Variants in RANBP2 observed in about 807,000 individuals in gnomAD.
RANBP2 encodes the protein RAN binding protein 2.
In RANBP2, 57 loss-of-function variants were observed where a neutral mutation model predicts 303.6. The observed-to-expected ratio is 0.19, with a 90% CI of 0.15 to 0.23. The LOEUF (loss-of-function observed/expected upper bound fraction) is 0.23, where lower values mean the gene tolerates loss of function less well. Ranked by LOEUF, RANBP2 falls within the 10% of genes least tolerant of loss-of-function variation. RANBP2 has a pLI of 1.00. For missense variants in RANBP2, 3,138 were observed against 3,780.8 expected (o/e 0.83, Z 4.46); for synonymous variants, 1,167 against 1,301.5 (o/e 0.90, Z 2.23).
chr2:109,411,245 G>T, the RANBP2 span, among the ~76,000 whole-genome samples: 1 of 152,224 alleles, frequency 6.6e-6, no homozygotes, highest in Non-Finnish European at 1.5e-5. Context: ...CGCAGCTCAG[G>T]CTTTGCAGGA....
At chr2:109,369,507 T>C in the RANBP2 span, among the ~76,000 whole-genome samples, 1 of 152,148 alleles carries the variant, frequency 6.6e-6, no homozygotes, top group Admixed American at 6.5e-5. Flanking sequence ...TGGCCTATAA[T>C]GTCAGTTGGA....
the RANBP2 span, among the ~76,000 whole-genome samples, chr2:109,722,646 C>T: frequency 6.6e-6 from 1 of 152,188 alleles, no homozygotes; most frequent in African/African-American, 2.4e-5. Context: ...TCACCCTCCC[C>T]ACGACAGGCC....
the RANBP2 span, among the ~76,000 whole-genome samples, chr2:109,257,653 C>T: frequency 6.6e-6 from 1 of 152,134 alleles, no homozygotes; most frequent in Non-Finnish European, 1.5e-5. Context: ...TTCTGAGTGC[C>T]TTGGTTTGCG....
the RANBP2 span, among the ~76,000 whole-genome samples, chr2:109,511,296 C>T: frequency 2.6e-5 from 4 of 152,210 alleles, no homozygotes; most frequent in Admixed American, 2.6e-4. Flanking sequence ...AGAATGAGGT[C>T]CCACAGCCAC....
chr2:109,020,399 C>A, the RANBP2 span, among the ~76,000 whole-genome samples: 1 of 152,174 alleles, frequency 6.6e-6, no homozygotes, highest in Non-Finnish European at 1.5e-5. Flanking sequence ...AACAGCCTCT[C>A]CATTCGGGTT....
At chr2:109,088,565 T>C in the RANBP2 span, among the ~76,000 whole-genome samples, 3 of 151,926 alleles carry the variant, frequency 2.0e-5, no homozygotes, top group Admixed American at 6.6e-5. Flanking sequence ...CAGGCTGGAG[T>C]GCAGTGGTAC....
At chr2:109,583,991 G>A in the RANBP2 span, among the ~76,000 whole-genome samples, 5 of 152,296 alleles carry the variant, frequency 3.3e-5, no homozygotes, top group East Asian at 9.7e-4. Flanking sequence ...GACTACTAGA[G>A]TGGGAAGGAA....
the RANBP2 span, among the ~76,000 whole-genome samples, chr2:109,099,448 A>G: frequency 6.6e-6 from 1 of 152,156 alleles, no homozygotes; most frequent in African/African-American, 2.4e-5. Context: ...AAGTCTCTCC[A>G]AAGGGCTGGG....
At chr2:109,252,852 G>A in the RANBP2 span, among the ~76,000 whole-genome samples, 2 of 152,098 alleles carry the variant, frequency 1.3e-5, no homozygotes, top group African/African-American at 4.8e-5. Context: ...GGTTATATAG[G>A]TATGTGAAGT....
intron 2 of RANBP2, among the ~76,000 whole-genome samples, chr2:108,729,859 A>G (rs994930471): frequency 6.6e-5 from 10 of 152,042 alleles, no homozygotes; most frequent in Admixed American, 3.3e-4. Flanking sequence ...AGCTGGGGAT[A>G]CAGATGCGCA....
At chr2:109,154,737 G>A in the RANBP2 span, among the ~76,000 whole-genome samples, 1 of 152,184 alleles carries the variant, frequency 6.6e-6, no homozygotes, top group Non-Finnish European at 1.5e-5. Flanking sequence ...GGTGATGGTA[G>A]GGACTTTGGG....
At chr2:109,195,858 T>C in the RANBP2 span, among the ~76,000 whole-genome samples, 5 of 152,228 alleles carry the variant, frequency 3.3e-5, no homozygotes, top group African/African-American at 1.2e-4. Context: ...GGAGTCTGGC[T>C]ATGCGTTTGG....
chr2:109,479,865 C>T, the RANBP2 span, among the ~76,000 whole-genome samples: 4 of 152,272 alleles, frequency 2.6e-5, no homozygotes, highest in South Asian at 8.3e-4. Flanking sequence ...TCAGAGCCTT[C>T]ATACGGCAGC....
chr2:109,487,652 C>T, the RANBP2 span, among the ~76,000 whole-genome samples: 1 of 152,220 alleles, frequency 6.6e-6, no homozygotes, highest in Middle Eastern at 3.2e-3. Context: ...CTCTCAGCAG[C>T]TGGGCAGTGA....
chr2:109,170,289 CTTCTCT>C, the RANBP2 span, among the ~76,000 whole-genome samples: 1 of 120,758 alleles, frequency 8.3e-6, no homozygotes, highest in Admixed American at 9.4e-5. Flanking sequence ...CTTCTCTTCT[CTTCTCT>C]TCTCTTCTCT....
the RANBP2 span, among the ~76,000 whole-genome samples, chr2:109,136,979 T>C: frequency 3.9e-5 from 6 of 152,218 alleles, no homozygotes. Context: ...CTGGCTTCAC[T>C]GCACAGATAT....
chr2:109,491,846 T>C, the RANBP2 span, among the ~76,000 whole-genome samples: 1 of 152,184 alleles, frequency 6.6e-6, no homozygotes, highest in South Asian at 2.1e-4. Context: ...TTTCCTCCCT[T>C]GGCCGTTCGG....
At chr2:109,371,751 C>G in the RANBP2 span, 1 of 1,356,602 alleles carries the variant, frequency 7.4e-7, no homozygotes, top group Non-Finnish European at 1.0e-6. Flanking sequence ...GTGGGGTCAC[C>G]TGACCTTCAA....
the RANBP2 span, among the ~76,000 whole-genome samples, chr2:109,042,509 C>G: frequency 6.6e-6 from 1 of 152,066 alleles, no homozygotes; most frequent in Non-Finnish European, 1.5e-5. Flanking sequence ...TCTCTCTAAC[C>G]CCGAGAGGCT....
Sources: gnomAD v4.1 joint callset for allele counts (sites outside exome capture counted in the v4.1 genomes callset) on GRCh38, gnomAD v4.1.1 for gene constraint, MANE v1.5 for transcripts, NCBI Gene and HGNC (gene_info 2026-07-23, HGNC 2026-07-21) for gene names.